Variants in EIF2B3 observed in about 807,000 individuals in gnomAD.
The protein encoded by EIF2B3 is translation initiation factor eIF2B subunit gamma.
In EIF2B3, 20 loss-of-function variants were observed where a neutral mutation model predicts 54.1. The observed-to-expected ratio is 0.37, with a 90% CI of 0.26 to 0.54. EIF2B3 has a LOEUF of 0.54. Among genes scored for constraint, EIF2B3 ranks in the 20% least tolerant of loss-of-function variants. The pLI, the probability that EIF2B3 is intolerant of heterozygous loss-of-function variation, is 0.86. For missense variants in EIF2B3, 448 were observed against 547.8 expected (o/e 0.82, Z 1.82); for synonymous variants, 153 against 188.1 (o/e 0.81, Z 1.52).
intron 5 of EIF2B3, among the ~76,000 whole-genome samples, chr1:44,917,871 T>G (rs1218597473): frequency 7.2e-6 from 1 of 138,710 alleles, no homozygotes; most frequent in Non-Finnish European, 1.5e-5. Context: ...CCTCCCGGGT[T>G]CACACCATTC....
intron 5 of EIF2B3, among the ~76,000 whole-genome samples, chr1:44,913,109 T>TAAAAAAAAAA (rs552977811): frequency 9.7e-6 from 1 of 103,266 alleles, no homozygotes. Flanking sequence ...CGGTTTTTGT[T>TAAAAAAAAAA]AAAAAAAAAA....
intron 3 of EIF2B3, among the ~76,000 whole-genome samples, chr1:44,944,336 T>TA (rs1233953778): frequency 6.6e-6 from 1 of 151,398 alleles, no homozygotes; most frequent in Non-Finnish European, 1.5e-5. Context: ...TATGCTACTT[T>TA]AAAAAAGTCT....
At chr1:44,902,464 A>C (rs756850831) in intron 5 of EIF2B3, among the ~76,000 whole-genome samples, 21 of 152,072 alleles carry the variant, frequency 1.4e-4, no homozygotes, top group Non-Finnish European at 2.5e-4. Context: ...ACTGCACCCC[A>C]GCACCTAGGC....
chr1:44,923,839 T>C (rs1293863545), intron 5 of EIF2B3, among the ~76,000 whole-genome samples: 1 of 151,912 alleles, frequency 6.6e-6, no homozygotes, highest in Non-Finnish European at 1.5e-5. Context: ...GGTCTCACTC[T>C]GTCACCCAGC....
At chr1:44,901,645 A>G (rs533460172) in intron 5 of EIF2B3, among the ~76,000 whole-genome samples, 2 of 142,100 alleles carry the variant, frequency 1.4e-5, no homozygotes, top group African/African-American at 5.3e-5. Flanking sequence ...TGCCCCCTCA[A>G]CCTCCCTGGG....
At chr1:44,961,480 C>G (rs72676581) in intron 3 of EIF2B3, among the ~76,000 whole-genome samples, 27 of 151,946 alleles carry the variant, frequency 1.8e-4, no homozygotes, top group African/African-American at 6.0e-4. Flanking sequence ...AAATTTGAGA[C>G]CAGCCTGGGT....
chr1:44,979,698 T>A (rs1160842291), intron 2 of EIF2B3, among the ~76,000 whole-genome samples: 1 of 151,162 alleles, frequency 6.6e-6, no homozygotes, highest in Non-Finnish European at 1.5e-5. Flanking sequence ...GCGTAGTGGC[T>A]CACACCTGTA....
chr1:44,873,635 T>TA (rs1655030742), intron 10 of EIF2B3, among the ~76,000 whole-genome samples: 1 of 151,934 alleles, frequency 6.6e-6, no homozygotes, highest in African/African-American at 2.4e-5. Flanking sequence ...GTGTTTTATT[T>TA]TTTATTTATT....
At chr1:44,892,174 A>G (rs1160264431) in intron 6 of EIF2B3, among the ~76,000 whole-genome samples, 1 of 152,198 alleles carries the variant, frequency 6.6e-6, no homozygotes, top group Non-Finnish European at 1.5e-5. Context: ...CCACTATACC[A>G]TATTAACTAG....
intron 1 of EIF2B3, among the ~76,000 whole-genome samples, chr1:44,983,626 C>G (rs1028793272): frequency 1.3e-5 from 2 of 152,052 alleles, no homozygotes; most frequent in African/African-American, 4.8e-5. Flanking sequence ...AATCCCAGCA[C>G]TTTGGGAGGC....
chr1:44,899,966 T>C (rs946408503), intron 5 of EIF2B3, among the ~76,000 whole-genome samples: 2 of 152,008 alleles, frequency 1.3e-5, no homozygotes, highest in East Asian at 1.9e-4. Context: ...ATAAAGAAAA[T>C]GTAGTGCAAT....
Position 44,879,976 on chromosome 1 carries a change from G to C in EIF2B3, c.817C>G (p.Leu273Val). 4 of 1,614,222 alleles carry C rather than the reference G, an allele frequency of 2.5e-6. No homozygotes were observed. Among genetic ancestry groups the C allele is most frequent in the South Asian group, 1.1e-5 (1 of 91,092 alleles). Reference sequence around the variant, plus strand: ...CAGGCATCATAGGGAGCCAGGTTCAGTGTATTGGCTTCTTTTATAAAACTG... The same window carrying C: ...CAGGCATCATAGGGAGCCAGGTTCACTGTATTGGCTTCTTTTATAAAACTG... The part of the protein sequence containing the change: ...IYSFIKEANT[L>V]NLAPYDACWN... Residue 273 changes from leucine to valine, a missense_variant, in exon 8 of 12, where the codon CTG becomes GTG. This residue lies in a region of EIF2B3 where 350 missense variants were observed against 414.2 expected (regional missense o/e 0.85). Transcript: ENST00000360403.
chr1:44,927,895 T>G (rs1569752438), intron 4 of EIF2B3, among the ~76,000 whole-genome samples: 1 of 152,154 alleles, frequency 6.6e-6, no homozygotes, highest in Non-Finnish European at 1.5e-5. Flanking sequence ...TGGGCAGTGG[T>G]TCCTGCCTGT....
At chr1:44,985,393 C>T (rs1644561050) in intron 1 of EIF2B3, among the ~76,000 whole-genome samples, 1 of 74,660 alleles carries the variant, frequency 1.3e-5, no homozygotes, top group Admixed American at 1.4e-4. Flanking sequence ...TGTGCAGATT[C>T]TCTTAGCCTT....
chr1:44,881,909 C>G lies in EIF2B3; in HGVS notation c.657-170G>C, dbSNP rs1655415123. ...GGCAGTTCGGAGAAGCAGAGTGCTTCCTGGTGGGTACTGAGACAGGATGTT... is the reference window on the plus strand; with the variant it reads ...GGCAGTTCGGAGAAGCAGAGTGCTTGCTGGTGGGTACTGAGACAGGATGTT... On this transcript the variant is annotated intron_variant, in intron 6 of 11. Transcript: ENST00000360403. The surrounding 1 kb of genome is among the most constrained non-coding windows in gnomAD (Gnocchi z 4.0). Among the ~76,000 whole-genome samples, 1 of 152,156 alleles carries G rather than the reference C, an allele frequency of 6.6e-6. No individual in the cohort carries two copies. Among genetic ancestry groups the G allele is most frequent in the African/African-American group, 2.4e-5 (1 of 41,438 alleles).
intron 10 of EIF2B3, among the ~76,000 whole-genome samples, chr1:44,871,253 G>T (rs1205545651): frequency 6.6e-6 from 1 of 152,000 alleles, no homozygotes; most frequent in Admixed American, 6.6e-5. Context: ...TCACCTTATT[G>T]TCTGTCTTCT....
rs1174154362 is a variant in EIF2B3, at chr1:44,870,762, C to T, written c.1202+3916G>A. On this transcript the variant is annotated intron_variant, in intron 10 of 11. Transcript: ENST00000360403. The stretch of plus-strand genomic sequence containing the variant: ...CTGCCTCCAGGGTTCAAGTGACCTT[C>T]CTGCCTTAGCCTCCCGAGTAGCTGG... 2.0e-5 allele frequency among the ~76,000 whole-genome samples: 3 copies of T among 151,964 alleles called. No individual in the cohort carries two copies. The East Asian group carries it at 5.8e-4, about 29-fold the overall frequency.
intron 3 of EIF2B3, among the ~76,000 whole-genome samples, chr1:44,974,913 T>C (rs1644437707): frequency 6.6e-6 from 1 of 151,942 alleles, no homozygotes; most frequent in Non-Finnish European, 1.5e-5. Context: ...TATCAAGACA[T>C]GTTCAAAATT....
At chr1:44,967,035 C>T (rs928326591) in intron 3 of EIF2B3, among the ~76,000 whole-genome samples, 3 of 151,762 alleles carry the variant, frequency 2.0e-5, no homozygotes, top group East Asian at 3.9e-4. Context: ...AGGATGGTCT[C>T]GATCTCTTGA....
Sources: allele counts gnomAD v4.1 joint callset (sites outside exome capture counted in the v4.1 genomes callset), GRCh38; gene constraint gnomAD v4.1.1; regional missense constraint gnomAD v4.1.1; non-coding constraint Gnocchi (gnomAD v3.1); transcripts MANE v1.5; gene names NCBI Gene and HGNC (gene_info 2026-07-23, HGNC 2026-07-21).